The following ETFBKMT variants were observed in gnomAD, a reference collection of about 807,000 sequenced individuals.
ETFBKMT encodes electron transfer flavoprotein beta subunit lysine methyltransferase.
A neutral mutation model predicts 18.3 loss-of-function variants in ETFBKMT; 13 were observed. The observed-to-expected ratio is 0.71, with a 90% CI of 0.46 to 1.13. ETFBKMT has a LOEUF of 1.13. Among genes scored for constraint, ETFBKMT ranks in the 50% most tolerant of loss-of-function variants. The probability of loss-of-function intolerance (pLI) is 0.00; values close to 1 mark genes in which losing one functional copy is unlikely to be tolerated. For synonymous variants in ETFBKMT, 84 were observed against 107.9 expected (o/e 0.78, Z 1.37); for missense variants, 293 against 306.2 (o/e 0.96, Z 0.32).
rs7970095 is a variant in ETFBKMT, at chr12:31,669,322, G to T, written c.*1332G>T. 0.26 allele frequency: 40,247 copies of T among 152,078 alleles called. 5,426 individuals carry two copies. Among genetic ancestry groups the T allele is most frequent in the Admixed American group, 0.28 (4,343 of 15,264 alleles). 9.4% of individuals were successfully genotyped at this position (152,078 alleles called of 1,614,324 possible). A position where few individuals can be genotyped will look rare whatever the true frequency, so the allele number is the denominator to read the frequency against. ...GGGAGAAGGTATGTTCTATAGTCCTGTGATTAAGTCTCAGTCAGTTAAGTC... is the reference window on the plus strand; with the variant it reads ...GGGAGAAGGTATGTTCTATAGTCCTTTGATTAAGTCTCAGTCAGTTAAGTC... On this transcript the variant is annotated 3_prime_UTR_variant, in exon 4 of 4. Coordinates refer to ENST00000357721, the MANE Select transcript of ETFBKMT (RefSeq NM_001135863.2).
chr12:31,664,620 T>TC (rs1565750637), intron 2 of ETFBKMT, among the ~76,000 whole-genome samples: 1 of 150,282 alleles, frequency 6.7e-6, no homozygotes, highest in Non-Finnish European at 1.5e-5. Flanking sequence ...TTCTTTCTTT[T>TC]TTTTTTTTTT....
At chr12:31,662,371 G>T in intron 2 of ETFBKMT, 104 bp downstream of exon 2, 1 of 1,039,052 alleles carries the variant, frequency 9.6e-7, no homozygotes, top group Non-Finnish European at 1.4e-6. Flanking sequence ...GGTGGCTCAT[G>T]CCTGTAGTCT....
intron 1 of ETFBKMT, among the ~76,000 whole-genome samples, chr12:31,648,709 C>G (rs1192546867): frequency 6.6e-6 from 1 of 151,774 alleles, no homozygotes; most frequent in East Asian, 1.9e-4. Context: ...CTACAGGGGC[C>G]CACCACCACG....
chr12:31,667,622 A>G, intron 3 of ETFBKMT, 25 bp from the exon 4 acceptor site: 1 of 1,461,996 alleles, frequency 6.8e-7, no homozygotes, highest in Non-Finnish European at 9.4e-7. Context: ...ATACCAATTC[A>G]TTTTGTGCTT....
At position 31,668,799 on chromosome 12, in the gene ETFBKMT, G is replaced by GT. The variant is rs1349518231; in HGVS notation, c.*815dup. 6.6e-6 allele frequency: 1 copy of GT among 152,142 alleles called. No individual in the cohort carries two copies. Among genetic ancestry groups the GT allele is most frequent in the Non-Finnish European group, 1.5e-5 (1 of 68,036 alleles). 9.4% of individuals were successfully genotyped at this position (152,142 alleles called of 1,614,324 possible). A position where few individuals can be genotyped will look rare whatever the true frequency, so the allele number is the denominator to read the frequency against. On this transcript the variant is annotated 3_prime_UTR_variant, in exon 4 of 4. Coordinates refer to ENST00000357721, the MANE Select transcript of ETFBKMT (RefSeq NM_001135863.2). ...TGAGCCACCACGCCAGCCTGACGAT[G>GT]TTTTTTACTTCTATCACTTCCTTTT... is the stretch of plus-strand genomic sequence containing the variant.
At chr12:31,653,340 T>C (rs1011217791) in intron 1 of ETFBKMT, among the ~76,000 whole-genome samples, 1 of 152,224 alleles carries the variant, frequency 6.6e-6, no homozygotes, top group Non-Finnish European at 1.5e-5. Flanking sequence ...ACTTGGCCGA[T>C]GTTAAGCTAA....
At chr12:31,650,642 T>TTTTTTTTTTTTTTTA (rs1555182738) in intron 1 of ETFBKMT, among the ~76,000 whole-genome samples, 2 of 150,644 alleles carry the variant, frequency 1.3e-5, no homozygotes, top group South Asian at 2.1e-4. Context: ...TTTTTTTTTT[T>TTTTTTTTTTTTTTTA]AAAGAATCAC....
rs1951234803 is a variant in ETFBKMT at position 31,669,214 on chromosome 12, T to C, written c.*1224T>C. On this transcript the variant is annotated 3_prime_UTR_variant, in exon 4 of 4. Coordinates refer to ENST00000357721, the MANE Select transcript of ETFBKMT (RefSeq NM_001135863.2). ...TTTGAGTTTCCCTAGAGATTCCTTC[T>C]TATATAGAGTCTGAAGCTTGCAGTT... 6.6e-6 allele frequency: 1 copy of C among 152,248 alleles called. No homozygotes were observed. The highest frequency in any genetic ancestry group is 2.4e-5 in the African/African-American group (1 of 41,454). The allele number at this position is 152,248 out of a possible 1,614,324, so 9.4% of individuals were successfully genotyped here. A position where few individuals can be genotyped will look rare whatever the true frequency, so the allele number is the denominator to read the frequency against.
rs555149328 is a variant in ETFBKMT, at chr12:31,647,419, A to G, written c.-114+164A>G. On this transcript the variant is annotated intron_variant, in intron 1 of 3. Coordinates refer to the ETFBKMT transcript ENST00000412352. The stretch of plus-strand genomic sequence containing the variant: ...ACCAGACGACATGTGTGTCATCCCA[A>G]CTCTACTGCCAGCTATTTATGAGCC... Among the ~76,000 whole-genome samples, 273 of 152,078 alleles carry G rather than the reference A, an allele frequency of 1.8e-3. 1 individual carries two copies. Among genetic ancestry groups the G allele is most frequent in the Middle Eastern group, 3.4e-3 (1 of 294 alleles).
At chr12:31,665,985 T>C (rs963173168) in intron 2 of ETFBKMT, 102 bp from the exon 3 acceptor site, 1 of 932,862 alleles carries the variant, frequency 1.1e-6, no homozygotes, top group Non-Finnish European at 1.6e-6. Flanking sequence ...ATTTTGTTTA[T>C]AGCCAGTTTT....
chr12:31,665,777 T>C (rs192444390), intron 2 of ETFBKMT, among the ~76,000 whole-genome samples: 8 of 152,344 alleles, frequency 5.3e-5, no homozygotes, highest in South Asian at 2.1e-4. Context: ...AATAAAGGGA[T>C]GGGTTGGGTT....
Position 31,661,891 on chromosome 12 carries a change from C to G in ETFBKMT, c.-63C>G. 1.3e-6 allele frequency: 2 copies of G among 1,484,354 alleles called. No individual in the cohort carries two copies. Among genetic ancestry groups the G allele is most frequent in the Non-Finnish European group, 9.2e-7 (1 of 1,082,034 alleles). 91.9% of individuals were successfully genotyped at this position (1,484,354 alleles called of 1,614,324 possible). A position where few individuals can be genotyped will look rare whatever the true frequency, so the allele number is the denominator to read the frequency against. On this transcript the variant is annotated 5_prime_UTR_variant, in exon 2 of 4. Coordinates refer to ENST00000357721, the MANE Select transcript of ETFBKMT (RefSeq NM_001135863.2). ...GTTGGGAGACACACCCTTGTTCATT[C>G]TCCTTGAGAAGCAGCTATTATCAAC... is the stretch of plus-strand genomic sequence containing the variant.
At chr12:31,657,776 A>G (rs1300835487), upstream of ETFBKMT, among the ~76,000 whole-genome samples, 1 of 144,554 alleles carries the variant, frequency 6.9e-6, no homozygotes, top group East Asian at 2.1e-4. Context: ...TGGGCGACAG[A>G]GCAAGACTTC....
rs1326727579 is a variant in ETFBKMT, at chr12:31,672,236, C to T, written c.*4246C>T. ...TTAACATTAAGTAGAATGCAAATCT[C>T]TATAGATGGTTTCCTGGGAAAGTAG... On this transcript the variant is annotated 3_prime_UTR_variant, in exon 4 of 4. Coordinates refer to ENST00000357721, the MANE Select transcript of ETFBKMT (RefSeq NM_001135863.2). 3.8e-6 allele frequency: 4 copies of T among 1,061,342 alleles called. No individual in the cohort carries two copies. Among genetic ancestry groups the T allele is most frequent in the African/African-American group, 1.6e-5 (1 of 63,260 alleles). 65.7% of individuals were successfully genotyped at this position (1,061,342 alleles called of 1,614,324 possible).
Position 31,667,698 on chromosome 12 carries a change from T to C in ETFBKMT, c.497T>C (p.Phe166Ser), listed in dbSNP as rs1951215770. The stretch of plus-strand genomic sequence containing the variant: ...TGTGAATTGAACAGACTGAATCCTT[T>C]TCCTATTTTAATCCAAAACATTTTG... ...LNCELNRLNPFPILIQNILNL... is the reference protein window; with the variant it reads ...LNCELNRLNPSPILIQNILNL... Residue 166 changes from phenylalanine (F) to serine (S), a missense_variant, in exon 4 of 4, where the codon TTT (phenylalanine) becomes TCT (serine). Phe to Ser is a radical substitution (Grantham distance 155, BLOSUM62 -2). Coordinates refer to ENST00000357721, the MANE Select transcript of ETFBKMT (RefSeq NM_001135863.2). 4.3e-6 allele frequency: 7 copies of C among 1,614,156 alleles called. No homozygotes were observed. Among genetic ancestry groups the C allele is most frequent in the Non-Finnish European group, 5.9e-6 (7 of 1,180,024 alleles).
Position 31,672,288 on chromosome 12 carries a change from C to T in ETFBKMT, c.*4298C>T. ...TTTGATAAGCTTTCCTAGCATTGAT[C>T]ATCTTCAAAAAAGCATCAATAAACA... On this transcript the variant is annotated 3_prime_UTR_variant, in exon 4 of 4. Transcript: ENST00000357721. The T allele has an allele frequency of 1.3e-6, 2 of 1,553,766 alleles. No individual in the cohort carries two copies. The highest frequency in any genetic ancestry group is 1.7e-6 in the Non-Finnish European group (2 of 1,143,662).
At chr12:31,655,068 A>AC (rs1235271613), upstream of ETFBKMT, among the ~76,000 whole-genome samples, 6 of 44,444 alleles carry the variant, frequency 1.4e-4, no homozygotes, top group South Asian at 3.2e-3. Flanking sequence ...GAAACAAACA[A>AC]ACAAACAAAA....
Position 31,669,118 on chromosome 12 carries a change from TG to T in ETFBKMT, c.*1129del. 6.6e-6 allele frequency: 1 copy of T among 152,352 alleles called. No individual in the cohort carries two copies. Among genetic ancestry groups the T allele is most frequent in the African/African-American group, 2.4e-5 (1 of 41,580 alleles). 9.4% of individuals were successfully genotyped at this position (152,352 alleles called of 1,614,324 possible). A position where few individuals can be genotyped will look rare whatever the true frequency, so the allele number is the denominator to read the frequency against. On this transcript the variant is annotated 3_prime_UTR_variant, in exon 4 of 4. Transcript: ENST00000357721. ...GGTTTTAAAATCTGGGTAGGGCTACTGTTTGCTGTAGAGTAGATATTACAGG... is the reference window on the plus strand; with the variant it reads ...GGTTTTAAAATCTGGGTAGGGCTACTTTTGCTGTAGAGTAGATATTACAGG...
chr12:31,672,254 G>A lies in ETFBKMT; in HGVS notation c.*4264G>A. 2 of 1,275,162 alleles carry A rather than the reference G, an allele frequency of 1.6e-6. No individual in the cohort carries two copies. The highest frequency in any genetic ancestry group is 1.3e-5 in the South Asian group (1 of 77,272). The allele number at this position is 1,275,162 out of a possible 1,614,324, so 79.0% of individuals were successfully genotyped here. ...CAAATCTCTATAGATGGTTTCCTGG[G>A]AAAGTAGTTTTGATAAGCTTTCCTA... On this transcript the variant is annotated 3_prime_UTR_variant, in exon 4 of 4. Transcript: ENST00000357721.
Sources: gnomAD v4.1 joint callset for allele counts (sites outside exome capture counted in the v4.1 genomes callset) on GRCh38, gnomAD v4.1.1 for gene constraint, MANE v1.5 for transcripts, NCBI Gene and HGNC (gene_info 2026-07-23, HGNC 2026-07-21) for gene names.